The following WWOX variants were observed in gnomAD, a reference collection of about 807,000 sequenced individuals.
The protein encoded by WWOX is WW domain-containing oxidoreductase.
A neutral mutation model predicts 46.2 loss-of-function variants in WWOX; 69 were observed. The ratio of observed to expected loss-of-function variants is 1.49; its 90% CI spans 1.23 to 1.82. The LOEUF (loss-of-function observed/expected upper bound fraction) is 1.82. WWOX is among the 40% of genes most tolerant of loss of function. The pLI is 0.00. For missense variants in WWOX, 919 were observed against 542.6 expected (o/e 1.69, Z -6.89); for synonymous variants, 359 against 202.6 (o/e 1.77, Z -6.56).
intron 8 of WWOX, among the ~76,000 whole-genome samples, chr16:78,490,751 C>G (rs757169723): frequency 6.6e-6 from 1 of 152,200 alleles, no homozygotes; most frequent in Non-Finnish European, 1.5e-5. Flanking sequence ...TGGTCTTCAG[C>G]TACACCTTAC....
intron 8 of WWOX, among the ~76,000 whole-genome samples, chr16:78,581,629 T>C (rs921466653): frequency 1.3e-5 from 2 of 152,190 alleles, no homozygotes; most frequent in Non-Finnish European, 2.9e-5. Context: ...AAAGTCTCTT[T>C]CCCGTGGGCC....
intron 8 of WWOX, among the ~76,000 whole-genome samples, chr16:78,436,838 G>T (rs2083345637): frequency 1.3e-5 from 2 of 152,320 alleles, no homozygotes; most frequent in Admixed American, 6.5e-5. Flanking sequence ...GCTCGGCATT[G>T]CTTCCGTCAG....
At chr16:79,121,726 T>C (rs931862229) in intron 8 of WWOX, among the ~76,000 whole-genome samples, 8 of 152,214 alleles carry the variant, frequency 5.3e-5, no homozygotes, top group African/African-American at 1.9e-4. Context: ...CTTCCCACAA[T>C]TGCTGGGAGT....
intron 5 of WWOX, among the ~76,000 whole-genome samples, chr16:78,274,409 T>A (rs1204116181): frequency 6.6e-6 from 1 of 152,218 alleles, no homozygotes; most frequent in African/African-American, 2.4e-5. Flanking sequence ...TACTGGTTTC[T>A]AAACTCTTCA....
chr16:79,030,783 T>G (rs2047737335), intron 8 of WWOX, among the ~76,000 whole-genome samples: 1 of 152,072 alleles, frequency 6.6e-6, no homozygotes. Context: ...AGACTGATAT[T>G]CTGAAGAATC....
intron 8 of WWOX, among the ~76,000 whole-genome samples, chr16:78,628,183 TCATGGC>T (rs560403125): frequency 2.4e-3 from 368 of 152,312 alleles, no homozygotes; most frequent in African/African-American, 8.5e-3. Flanking sequence ...CTTGGAATTG[TCATGGC>T]TGCCGTCTGA....
rs112151168 is a variant in WWOX at position 78,411,614 on chromosome 16, G to A, written c.606-13256G>A. Among the ~76,000 whole-genome samples the A allele has an allele frequency of 9.8e-3, 1,495 of 152,200 alleles. 22 individuals are homozygous for A. The highest frequency in any genetic ancestry group is 0.033 in the African/African-American group (1,359 of 41,524). ...TTGTGTTTAATTTAGCAGACATTTAGGAACCATTAAAAGTTTTTGAGAATG... is the reference window on the plus strand; with the variant it reads ...TTGTGTTTAATTTAGCAGACATTTAAGAACCATTAAAAGTTTTTGAGAATG... On this transcript the variant is annotated intron_variant, in intron 6 of 8. Coordinates refer to ENST00000566780, the MANE Select transcript of WWOX (RefSeq NM_016373.4).
chr16:78,237,245 G>A (rs2037472599), intron 5 of WWOX: 1 of 152,150 alleles, frequency 6.6e-6, no homozygotes, highest in Non-Finnish European at 1.5e-5. Context: ...ATGGAAATGA[G>A]AAGTTTGTAT....
chr16:78,387,939 C>T (rs1031225962), intron 6 of WWOX, among the ~76,000 whole-genome samples: 4 of 151,930 alleles, frequency 2.6e-5, no homozygotes, highest in African/African-American at 9.7e-5. Flanking sequence ...CTGTTGGGAA[C>T]ATTAGTTCTG....
chr16:78,641,041 G>A (rs1188374417), intron 8 of WWOX, among the ~76,000 whole-genome samples: 2 of 152,216 alleles, frequency 1.3e-5, no homozygotes, highest in East Asian at 1.9e-4. Flanking sequence ...TCCTAACTGA[G>A]CATTACTGTA....
intron 8 of WWOX, among the ~76,000 whole-genome samples, chr16:79,207,738 T>A (rs1312032555): frequency 6.6e-6 from 1 of 152,158 alleles, no homozygotes; most frequent in Non-Finnish European, 1.5e-5. Flanking sequence ...TCCCTGTGAG[T>A]ATTATATTAG....
At chr16:78,909,680 T>C (rs1032741882) in intron 8 of WWOX, among the ~76,000 whole-genome samples, 41 of 152,186 alleles carry the variant, frequency 2.7e-4, no homozygotes, top group Admixed American at 7.9e-4. Context: ...CCCACTAATA[T>C]ATTTCTTACC....
Position 78,362,290 on chromosome 16 carries a change from G to A in WWOX, c.517-24570G>A, listed in dbSNP as rs1369014760. 4.6e-5 allele frequency among the ~76,000 whole-genome samples: 7 copies of A among 152,156 alleles called. 1 individual carries two copies. The highest frequency in any genetic ancestry group is 1.4e-4 in the African/African-American group (6 of 41,508). ...AACAAGAGACGAGACACAGCAAGGT[G>A]ATGATGGGTATGTGAAGCAGGATAA... On this transcript the variant is annotated intron_variant, in intron 5 of 8. Coordinates refer to ENST00000566780, the MANE Select transcript of WWOX (RefSeq NM_016373.4).
intron 5 of WWOX, among the ~76,000 whole-genome samples, chr16:78,182,520 C>G (rs966567037): frequency 3.3e-5 from 5 of 152,026 alleles, no homozygotes; most frequent in Admixed American, 3.3e-4. Context: ...TCAAGGGTAT[C>G]TTTCCCACAA....
At chr16:78,128,066 G>A (rs529296611) in intron 4 of WWOX, among the ~76,000 whole-genome samples, 25 of 152,286 alleles carry the variant, frequency 1.6e-4, no homozygotes, top group African/African-American at 5.3e-4. Flanking sequence ...GGTTGCTGGC[G>A]TTTGGGGAAA....
At chr16:78,614,080 G>A (rs1322809883) in intron 8 of WWOX, among the ~76,000 whole-genome samples, 1 of 152,176 alleles carries the variant, frequency 6.6e-6, no homozygotes, top group African/African-American at 2.4e-5. Flanking sequence ...CTTGCATGTT[G>A]TGTCACCCCT....
intron 8 of WWOX, among the ~76,000 whole-genome samples, chr16:78,545,690 C>A (rs1015948886): frequency 4.6e-5 from 7 of 152,134 alleles, no homozygotes; most frequent in Non-Finnish European, 1.0e-4. Context: ...AAAATACCAC[C>A]CACTGGGGAT....
chr16:78,499,302 T>C (rs1298830373), intron 8 of WWOX, among the ~76,000 whole-genome samples: 2 of 152,256 alleles, frequency 1.3e-5, no homozygotes, highest in East Asian at 3.9e-4. Flanking sequence ...TTGCTTCTGG[T>C]GGTGGGGTGG....
intron 8 of WWOX, among the ~76,000 whole-genome samples, chr16:79,122,399 C>T (rs1013793753): frequency 2.6e-5 from 4 of 152,130 alleles, no homozygotes; most frequent in Admixed American, 6.5e-5. Flanking sequence ...ATATTAAGAA[C>T]GGAGAAAAGG....
Sources: gnomAD v4.1 joint callset for allele counts (sites outside exome capture counted in the v4.1 genomes callset) on GRCh38, gnomAD v4.1.1 for gene constraint, MANE v1.5 for transcripts, NCBI Gene and HGNC (gene_info 2026-07-23, HGNC 2026-07-21) for gene names.